The following WDR76 variants were observed in gnomAD, a reference collection of about 807,000 sequenced individuals.
WDR76 encodes the protein WD repeat-containing protein 76.
WDR76 carries 52 observed loss-of-function variants against 70.2 expected under a neutral mutation model. That is an observed-to-expected ratio of 0.74 (90% confidence interval 0.59 to 0.93). The LOEUF (loss-of-function observed/expected upper bound fraction) is 0.93, where lower values mean the gene tolerates loss of function less well. WDR76 is among the 40% of genes least tolerant of loss of function. The pLI, the probability that WDR76 is intolerant of heterozygous loss-of-function variation, is 0.00. For missense variants in WDR76, 756 were observed against 760.2 expected (o/e 0.99, Z 0.07); for synonymous variants, 292 against 271.1 (o/e 1.08, Z -0.76).
Position 43,853,798 on chromosome 15 carries a change from G to C in WDR76, c.1191+2553G>C, listed in dbSNP as rs567344263. Among the ~76,000 whole-genome samples the C allele has an allele frequency of 5.3e-5, 8 of 151,810 alleles. No individual in the cohort carries two copies. In the East Asian group the frequency reaches 1.6e-3, roughly 30 times the overall value. Reference sequence around the variant, plus strand: ...GCAGGCACCTGTAGTCCCAGCTACTGGGGACGCTGAGGCAGGAGAATCGCT... The same window carrying C: ...GCAGGCACCTGTAGTCCCAGCTACTCGGGACGCTGAGGCAGGAGAATCGCT... On this transcript the variant is annotated intron_variant, in intron 9 of 12. Transcript: ENST00000263795.
At position 43,858,432 on chromosome 15, in the gene WDR76, A is replaced by G. The variant is rs2087957323; in HGVS notation, c.1410-239A>G. On this transcript the variant is annotated intron_variant, in intron 10 of 12. Transcript: ENST00000263795. ...ACCACATTAATCTTGTATTTTTAGT[A>G]GAGACGGGGTTTCTCCATGTTGAGG... 1.9e-5 allele frequency: 8 copies of G among 413,754 alleles called. No homozygotes were observed. The South Asian group carries it at 2.5e-4, about 13-fold the overall frequency. The allele number at this position is 413,754 out of a possible 1,614,324, so 25.6% of individuals were successfully genotyped here.
chr15:43,834,603 C>T (rs546613090), intron 2 of WDR76, among the ~76,000 whole-genome samples: 2 of 152,014 alleles, frequency 1.3e-5, no homozygotes, highest in South Asian at 2.1e-4. Flanking sequence ...TGAGCCACCA[C>T]GTCTGACCAA....
intron 7 of WDR76, 37 bp downstream of exon 7, chr15:43,842,708 T>G (rs1270260002): frequency 6.3e-7 from 1 of 1,577,182 alleles, no homozygotes; most frequent in African/African-American, 1.4e-5. Flanking sequence ...TTATATTTTT[T>G]GAGATGTTTG....
At chr15:43,865,084 G>A (rs1223315089) in intron 12 of WDR76, among the ~76,000 whole-genome samples, 2 of 151,726 alleles carry the variant, frequency 1.3e-5, no homozygotes, top group African/African-American at 4.8e-5. Flanking sequence ...ACCATGCCTG[G>A]CTAATTTTTG....
chr15:43,829,600 G>C (rs910810259), intron 2 of WDR76, among the ~76,000 whole-genome samples: 9 of 147,544 alleles, frequency 6.1e-5, no homozygotes, highest in African/African-American at 2.3e-4. Flanking sequence ...TCCTCCTCCC[G>C]GGTTCACACC....
Position 43,866,448 on chromosome 15 carries a change from GTAATCGGCGTGCCTTAGTGTGTT to G in WDR76, c.*59_*81del, listed in dbSNP as rs2088072689. On this transcript the variant is annotated 3_prime_UTR_variant, in exon 13 of 13. Coordinates refer to ENST00000263795, the MANE Select transcript of WDR76 (RefSeq NM_024908.4). ...AATTGACCACTGTCTAAGGAGCCTA[GTAATCGGCGTGCCTTAGTGTGTT>G]TATGTGGTAATGTGTTACATTTAGC... 1 of 1,590,970 alleles carries G rather than the reference GTAATCGGCGTGCCTTAGTGTGTT, an allele frequency of 6.3e-7. No individual in the cohort carries two copies. The highest frequency in any genetic ancestry group is 8.6e-7 in the Non-Finnish European group (1 of 1,163,656).
At chr15:43,857,615 T>A (rs987428745) in intron 10 of WDR76, 2 of 756,418 alleles carry the variant, frequency 2.6e-6, no homozygotes, top group African/African-American at 3.8e-5. Flanking sequence ...AGGTCAGGAG[T>A]TCGAGACCAG....
rs1296868098 is a variant in WDR76, at chr15:43,863,562, A to T, written c.1616+2176A>T. ...GTTTGTTAACTACTCTCTTTTTTAA[A>T]AAAAAAAAAAAAAAAGAAACAGGGT... On this transcript the variant is annotated intron_variant, in intron 12 of 12. Transcript: ENST00000263795. 3.3e-3 allele frequency among the ~76,000 whole-genome samples: 487 copies of T among 146,690 alleles called. 2 individuals are homozygous for T. The highest frequency in any genetic ancestry group is 0.017 in the Middle Eastern group (5 of 288).
chr15:43,866,620 G>A lies in WDR76; in HGVS notation c.*228G>A, dbSNP rs2088075225. The A allele has an allele frequency of 1.6e-5, 6 of 382,826 alleles. No homozygotes were observed. In the South Asian group the frequency reaches 2.2e-4, roughly 14 times the overall value. The allele number at this position is 382,826 out of a possible 1,614,324, so 23.7% of individuals were successfully genotyped here. ...TGAGGGGAGGCTGAGGTGCCGTCAG[G>A]ACTTTTTTTTTTTTTTTTTTTTTGA... On this transcript the variant is annotated 3_prime_UTR_variant, in exon 13 of 13. Coordinates refer to ENST00000263795, the MANE Select transcript of WDR76 (RefSeq NM_024908.4).
chr15:43,853,049 T>C (rs1017891307), intron 9 of WDR76, among the ~76,000 whole-genome samples: 1 of 152,032 alleles, frequency 6.6e-6, no homozygotes, highest in Non-Finnish European at 1.5e-5. Context: ...CCACCACACC[T>C]GGCTAATTTT....
At position 43,836,153 on chromosome 15, in the gene WDR76, C is replaced by T; in HGVS notation, c.553-8C>T. 6.2e-7 allele frequency: 1 copy of T among 1,601,508 alleles called. No individual in the cohort carries two copies. The highest frequency in any genetic ancestry group is 8.5e-7 in the Non-Finnish European group (1 of 1,175,084). ...ATAACATTTTTACATGATTTTTATA[C>T]TTTACAGTCTGCTGCAAGACTCCGT... is the stretch of plus-strand genomic sequence containing the variant. On this transcript the variant is annotated splice_region_variant and splice_polypyrimidine_tract_variant and intron_variant, in intron 3 of 12. Transcript: ENST00000263795.
At chr15:43,839,425 G>C (rs28707214) in intron 4 of WDR76, among the ~76,000 whole-genome samples, 180 bp from the exon 5 acceptor site, 23,799 of 152,056 alleles carry the variant, frequency 0.16, 2,463 homozygotes, top group African/African-American at 0.28. Context: ...TCTTTTTGAT[G>C]AACATTTAGG....
At chr15:43,837,942 C>T (rs1457130270) in intron 4 of WDR76, among the ~76,000 whole-genome samples, 15 of 147,152 alleles carry the variant, frequency 1.0e-4, no homozygotes, top group Admixed American at 1.4e-4. Context: ...GTGGCGCGAT[C>T]TCGGCTCACT....
intron 8 of WDR76, among the ~76,000 whole-genome samples, chr15:43,847,344 T>G (rs1348821389): frequency 6.6e-6 from 1 of 152,098 alleles, no homozygotes; most frequent in African/African-American, 2.4e-5. Flanking sequence ...CACTGCAATC[T>G]CTGCCTCCTG....
intron 2 of WDR76, among the ~76,000 whole-genome samples, chr15:43,831,840 TG>T (rs908843755): frequency 1.3e-5 from 2 of 152,036 alleles, no homozygotes; most frequent in African/African-American, 4.8e-5. Flanking sequence ...GAAATTTTTT[TG>T]TTTTTTTTTT....
At chr15:43,844,175 A>T (rs1326750946) in intron 8 of WDR76, 121 bp downstream of exon 8, 1 of 839,264 alleles carries the variant, frequency 1.2e-6, no homozygotes, top group African/African-American at 1.8e-5. Context: ...GGGCTTTATG[A>T]TGCTTTATGA....
intron 12 of WDR76, among the ~76,000 whole-genome samples, chr15:43,861,813 A>G (rs750996635): frequency 6.3e-5 from 9 of 143,236 alleles, no homozygotes; most frequent in Non-Finnish European, 1.4e-4. Context: ...TGCATCAACT[A>G]CTTTGAATGT....
intron 5 of WDR76, 30 bp from the exon 6 acceptor site, chr15:43,842,385 C>G (rs1464917559): frequency 7.5e-6 from 12 of 1,602,434 alleles, no homozygotes; most frequent in Non-Finnish European, 1.0e-5. Flanking sequence ...GCAGGGAGCC[C>G]AACAAATAAC....
chr15:43,867,880 A>T lies in WDR76; in HGVS notation c.*1488A>T, dbSNP rs1038041043. ...GTGTGACATCTATCCAACTTTTTTC[A>T]TTATTCTTCATTGCCAAATACTGAA... On this transcript the variant is annotated 3_prime_UTR_variant, in exon 13 of 13. Coordinates refer to ENST00000263795, the MANE Select transcript of WDR76 (RefSeq NM_024908.4). The T allele has an allele frequency of 6.6e-6, 1 of 152,106 alleles. No individual in the cohort carries two copies. The highest frequency in any genetic ancestry group is 1.5e-5 in the Non-Finnish European group (1 of 67,994). The allele number at this position is 152,106 out of a possible 1,614,324, so 9.4% of individuals were successfully genotyped here. A position where few individuals can be genotyped will look rare whatever the true frequency, so the allele number is the denominator to read the frequency against.
Sources: allele counts gnomAD v4.1 joint callset (sites outside exome capture counted in the v4.1 genomes callset), GRCh38; gene constraint gnomAD v4.1.1; transcripts MANE v1.5; gene names NCBI Gene and HGNC (gene_info 2026-07-23, HGNC 2026-07-21).